MED12L: variants seen among roughly 807,000 people sequenced by gnomAD.
MED12L encodes mediator of RNA polymerase II transcription subunit 12-like protein.
MED12L carries 60 observed loss-of-function variants against 281.3 expected under a neutral mutation model. That is an observed-to-expected ratio of 0.21 (90% CI 0.17 to 0.26). The LOEUF is 0.26. Ranked by LOEUF, MED12L falls within the 10% of genes least tolerant of loss-of-function variation. The probability of loss-of-function intolerance (pLI) is 1.00; values close to 1 mark genes in which losing one functional copy is unlikely to be tolerated. For missense variants in MED12L, 2,146 were observed against 2,680.9 expected (o/e 0.80, Z 4.41); for synonymous variants, 974 against 987.2 (o/e 0.99, Z 0.25).
In MED12L at chr3:151,280,008, G is replaced by T. The variant is rs10935834; in HGVS notation, c.2251-70051G>T. On this transcript the variant is annotated intron_variant, in intron 16 of 44. Transcript: ENST00000687756. ...TTGTTGCTTCTTGACTTCCCCGTGG[G>T]GTGTTTCACATAGATGTTATTGAGT... 2.8e-4 allele frequency among the ~76,000 whole-genome samples: 42 copies of T among 152,142 alleles called. 1 individual carries two copies. The East Asian group carries it at 6.4e-3, about 23-fold the overall frequency.
At chr3:151,284,792 G>C (rs1200792767) in intron 16 of MED12L, among the ~76,000 whole-genome samples, 2 of 152,122 alleles carry the variant, frequency 1.3e-5, no homozygotes, top group Non-Finnish European at 2.9e-5. Context: ...ATTTTCAGTA[G>C]TGACAGGGTT....
chr3:151,317,420 TTATATAATCATA>T (rs1748405587), intron 16 of MED12L, among the ~76,000 whole-genome samples: 1 of 146,812 alleles, frequency 6.8e-6, no homozygotes, highest in Non-Finnish European at 1.5e-5. Context: ...AATGACAAAT[TTATATAATCATA>T]TCACTTTTTT....
chr3:151,174,805 A>G (rs1721842873), intron 11 of MED12L, among the ~76,000 whole-genome samples: 1 of 151,684 alleles, frequency 6.6e-6, no homozygotes, highest in South Asian at 2.1e-4. Flanking sequence ...GCAGCCTTGA[A>G]CTCCTGGGCT....
chr3:151,382,398 A>T (rs764125448), intron 32 of MED12L, among the ~76,000 whole-genome samples: 1 of 152,176 alleles, frequency 6.6e-6, no homozygotes, highest in Non-Finnish European at 1.5e-5. Flanking sequence ...GGCCCTCTCA[A>T]GCATTTTCCC....
chr3:151,137,864 G>T (rs980668917), intron 5 of MED12L, among the ~76,000 whole-genome samples: 5 of 151,616 alleles, frequency 3.3e-5, no homozygotes, highest in African/African-American at 9.7e-5. Context: ...CTGCAGTAAG[G>T]TACACTGTTT....
rs535708764 is a variant in MED12L at position 151,433,065 on chromosome 3, G to A, written c.*261G>A. 1.9e-5 allele frequency: 7 copies of A among 372,380 alleles called. No individual in the cohort carries two copies. Among genetic ancestry groups the A allele is most frequent in the Non-Finnish European group, 3.4e-5 (7 of 206,644 alleles). The allele number at this position is 372,380 out of a possible 1,614,324, so 23.1% of individuals were successfully genotyped here. A position where few individuals can be genotyped will look rare whatever the true frequency, so the allele number is the denominator to read the frequency against. ...CAGGCAGGCCTACTCCCGGAAGAGT[G>A]TGCTAGCAGACCTTTTGAAATTGGT... On this transcript the variant is annotated 3_prime_UTR_variant, in exon 45 of 45. Transcript: ENST00000687756.
intron 39 of MED12L, among the ~76,000 whole-genome samples, chr3:151,396,323 T>A (rs1347324501): frequency 1.3e-5 from 2 of 152,174 alleles, no homozygotes; most frequent in Non-Finnish European, 2.9e-5. Context: ...AATTTAGCCC[T>A]CTTTCAAAGT....
chr3:151,391,960 C>T (rs767359869), intron 38 of MED12L, among the ~76,000 whole-genome samples: 22 of 152,100 alleles, frequency 1.4e-4, no homozygotes, highest in African/African-American at 4.1e-4. Flanking sequence ...TTTAATGCCA[C>T]GGTCCATGTG....
At chr3:151,141,206 T>G (rs1468240376) in intron 5 of MED12L, among the ~76,000 whole-genome samples, 2 of 143,832 alleles carry the variant, frequency 1.4e-5, no homozygotes, top group Admixed American at 6.9e-5. Context: ...TTTTTGTTAG[T>G]AGAGACGGGG....
At chr3:151,372,498 A>C in intron 26 of MED12L, 69 bp from the exon 27 acceptor site, 1 of 1,133,982 alleles carries the variant, frequency 8.8e-7, no homozygotes, top group Admixed American at 1.7e-5. Context: ...TGCTATCCTC[A>C]TTTGCTCCTC....
chr3:151,399,774 C>CT (rs1715429819), intron 39 of MED12L, among the ~76,000 whole-genome samples: 1 of 151,928 alleles, frequency 6.6e-6, no homozygotes, highest in African/African-American at 2.4e-5. Flanking sequence ...CCCCCTCACT[C>CT]TATCGATCAT....
intron 37 of MED12L, among the ~76,000 whole-genome samples, chr3:151,389,511 A>G (rs1471950578): frequency 6.6e-6 from 1 of 152,222 alleles, no homozygotes; most frequent in Non-Finnish European, 1.5e-5. Flanking sequence ...CTACTTCTTT[A>G]GAACGATGTC....
At chr3:151,282,065 G>A (rs2149619711) in intron 16 of MED12L, among the ~76,000 whole-genome samples, 1 of 152,186 alleles carries the variant, frequency 6.6e-6, no homozygotes, top group East Asian at 1.9e-4. Flanking sequence ...TTTCTTTAAA[G>A]TAAGTACAGA....
chr3:151,115,967 A>T (rs145371651), intron 2 of MED12L, among the ~76,000 whole-genome samples: 4 of 150,372 alleles, frequency 2.7e-5, no homozygotes, highest in Admixed American at 1.3e-4. Context: ...GAGGCTGAGG[A>T]AAAGGAGAAT....
rs1755122637 is a variant in MED12L, at chr3:151,365,178, G to A, written c.3157G>A (p.Val1053Ile). The change falls in exon 22 of 45, where the codon GTA becomes ATA. Residue 1053 changes from valine (V) to isoleucine (I), a missense_variant. Transcript: ENST00000687756. ...YSFVCNTLMNVCMGHQDAGRI... is the reference protein window; with the variant it reads ...YSFVCNTLMNICMGHQDAGRI... ...CTTTGTCTGCAATACACTCATGAAT[G>A]TATGTATGGGCCATCAGGATGCTGG... 3 of 1,614,004 alleles carry A rather than the reference G, an allele frequency of 1.9e-6. No individual in the cohort carries two copies. The highest frequency in any genetic ancestry group is 1.6e-4 in the Middle Eastern group (1 of 6,062).
At chr3:151,189,605 T>C (rs1723708170) in intron 13 of MED12L, among the ~76,000 whole-genome samples, 1 of 152,208 alleles carries the variant, frequency 6.6e-6, no homozygotes, top group Non-Finnish European at 1.5e-5. Context: ...AGCTGATCTG[T>C]TCCCTGAAAG....
intron 30 of MED12L, 31 bp from the exon 31 acceptor site, chr3:151,377,981 T>G (rs1303924200): frequency 6.4e-7 from 1 of 1,551,098 alleles, no homozygotes; most frequent in Non-Finnish European, 8.7e-7. Flanking sequence ...AAGGATGCTT[T>G]CTCCGGTGTA....
At chr3:151,239,756 A>G (rs551223301) in intron 16 of MED12L, among the ~76,000 whole-genome samples, 2 of 152,320 alleles carry the variant, frequency 1.3e-5, no homozygotes, top group South Asian at 4.1e-4. Flanking sequence ...TTTTCTGATA[A>G]GAGATTTTGT....
At chr3:151,098,958 A>G (rs1576721128) in intron 2 of MED12L, among the ~76,000 whole-genome samples, 1 of 152,200 alleles carries the variant, frequency 6.6e-6, no homozygotes, top group Non-Finnish European at 1.5e-5. Flanking sequence ...CATGTCTTAC[A>G]TGGTGGCAGG....
Sources: allele counts gnomAD v4.1 joint callset (sites outside exome capture counted in the v4.1 genomes callset), GRCh38; gene constraint gnomAD v4.1.1; transcripts MANE v1.5; gene names NCBI Gene and HGNC (gene_info 2026-07-23, HGNC 2026-07-21).